Variants in SPATA6L observed in about 807,000 individuals in gnomAD.
SPATA6L encodes spermatogenesis associated 6-like protein.
In SPATA6L, 68 loss-of-function variants were observed where a neutral mutation model predicts 49.2. The observed-to-expected ratio is 1.38, with a 90% CI of 1.14 to 1.69. The LOEUF is 1.69. Among genes scored for constraint, SPATA6L ranks in the 40% most tolerant of loss-of-function variants. SPATA6L has a pLI of 0.00. For synonymous variants in SPATA6L, 198 were observed against 165.7 expected (o/e 1.19, Z -1.50); for missense variants, 668 against 464.3 (o/e 1.44, Z -4.03).
At position 4,662,323 on chromosome 9, in the gene SPATA6L, G is replaced by C. The variant is rs1839997927; in HGVS notation, c.40-287C>G. ...CGGAAGCGGAAGAGGCTGCAGGGCC[G>C]GGAAGCCTCTGTTTGGTCCGGCCAG... On this transcript the variant is annotated intron_variant, in intron 1 of 11. Coordinates refer to ENST00000682582, the MANE Select transcript of SPATA6L (RefSeq NM_001353486.2). This position sits in a 1 kb window ranked among gnomAD's most constrained non-coding sequence, Gnocchi z 4.9. The C allele has an allele frequency of 8.3e-6, 12 of 1,446,664 alleles. No individual in the cohort carries two copies. The highest frequency in any genetic ancestry group is 9.9e-6 in the Non-Finnish European group (11 of 1,105,700). The allele number at this position is 1,446,664 out of a possible 1,614,324, so 89.6% of individuals were successfully genotyped here. A position where few individuals can be genotyped will look rare whatever the true frequency, so the allele number is the denominator to read the frequency against.
chr9:4,654,937 T>G (rs1012673948), intron 3 of SPATA6L, among the ~76,000 whole-genome samples: 2 of 152,120 alleles, frequency 1.3e-5, no homozygotes, highest in African/African-American at 4.8e-5. Context: ...GACCACACCC[T>G]TCCTGTACCG....
chr9:4,662,364 C>A lies in SPATA6L; in HGVS notation c.40-328G>T, dbSNP rs766410645. On this transcript the variant is annotated intron_variant, in intron 1 of 11. Coordinates refer to ENST00000682582, the MANE Select transcript of SPATA6L (RefSeq NM_001353486.2). The surrounding 1 kb of genome is among the most constrained non-coding windows in gnomAD (Gnocchi z 4.9). The stretch of plus-strand genomic sequence containing the variant: ...GTCCGGCCAGGTCCCGGGATCCGGG[C>A]CGCCAGCTGCGATGCCAAGTCCCCG... The A allele has an allele frequency of 1.3e-6, 2 of 1,495,416 alleles. No individual in the cohort carries two copies. The highest frequency in any genetic ancestry group is 2.2e-5 in the Admixed American group (1 of 44,518). 92.6% of individuals were successfully genotyped at this position (1,495,416 alleles called of 1,614,324 possible).
At chr9:4,589,467 T>A (rs1821766141) in intron 13 of SPATA6L, among the ~76,000 whole-genome samples, 1 of 152,200 alleles carries the variant, frequency 6.6e-6, no homozygotes, top group African/African-American at 2.4e-5. Flanking sequence ...TCCAACCTAG[T>A]GAGACTTCGT....
chr9:4,654,236 G>A (rs1837576180), intron 3 of SPATA6L, among the ~76,000 whole-genome samples: 2 of 152,186 alleles, frequency 1.3e-5, no homozygotes, highest in Admixed American at 1.3e-4. Context: ...GGTAAATAAT[G>A]TGAAACTTCT....
chr9:4,605,415 A>G lies in SPATA6L; in HGVS notation c.1021T>C (p.Trp341Arg), dbSNP rs1437334046. The G allele has an allele frequency of 8.1e-6, 13 of 1,614,040 alleles. No individual in the cohort carries two copies. The highest frequency in any genetic ancestry group is 1.3e-5 in the African/African-American group (1 of 74,932). ...CATACCCTCTCATGGATATTCTTCC[A>G]TGTGGACTGAGAACCAGGATGGAAC... ...ERFHPGSQSTWKNIHERVCSL... is the reference protein window; with the variant it reads ...ERFHPGSQSTRKNIHERVCSL... The change falls in exon 10 of 12, where the codon TGG becomes CGG. Residue 341 changes from tryptophan to arginine, a missense_variant. By Grantham distance (101) the Trp-to-Arg change is moderately radical. Transcript: ENST00000682582.
chr9:4,648,700 G>A (rs1471136145), intron 3 of SPATA6L, among the ~76,000 whole-genome samples: 8 of 47,384 alleles, frequency 1.7e-4, no homozygotes, highest in Non-Finnish European at 2.9e-4. Context: ...ACCCCGTCTC[G>A]AAAAATAAAT....
chr9:4,643,985 C>T (rs1327112745), intron 3 of SPATA6L, among the ~76,000 whole-genome samples: 1 of 150,894 alleles, frequency 6.6e-6, no homozygotes, highest in Non-Finnish European at 1.5e-5. Context: ...CCAGCCTGGG[C>T]AACAGAGCTA....
intron 5 of SPATA6L, chr9:4,627,885 A>G: frequency 9.6e-7 from 1 of 1,045,680 alleles, no homozygotes; most frequent in Non-Finnish European, 1.3e-6. Context: ...ATGAATGGAT[A>G]AAGAAATTAT....
chr9:4,648,695 G>A (rs574675082), intron 3 of SPATA6L, among the ~76,000 whole-genome samples: 4 of 54,786 alleles, frequency 7.3e-5, no homozygotes, highest in Non-Finnish European at 1.3e-4. Context: ...GCGAGACCCC[G>A]TCTCGAAAAA....
At chr9:4,622,204 G>T (rs576933728) in intron 7 of SPATA6L, among the ~76,000 whole-genome samples, 4 of 152,190 alleles carry the variant, frequency 2.6e-5, no homozygotes, top group East Asian at 1.9e-4. Context: ...CCCCTTCAAC[G>T]GCGAGGGGAA....
At chr9:4,620,228 C>T (rs1188346947) in intron 7 of SPATA6L, among the ~76,000 whole-genome samples, 1 of 151,998 alleles carries the variant, frequency 6.6e-6, no homozygotes, top group East Asian at 1.9e-4. Context: ...AACCTCCTTC[C>T]CCTGTGGATT....
downstream of SPATA6L, among the ~76,000 whole-genome samples, chr9:4,594,628 G>A (rs1822124298): frequency 6.6e-6 from 1 of 152,126 alleles, no homozygotes; most frequent in South Asian, 2.1e-4. Context: ...ATAGAGGTTG[G>A]TGCATTTATT....
chr9:4,658,349 A>C (rs991914837), intron 2 of SPATA6L, among the ~76,000 whole-genome samples: 2 of 152,254 alleles, frequency 1.3e-5, no homozygotes, highest in African/African-American at 4.8e-5. Flanking sequence ...ATTTTGAATT[A>C]CACAGAAGAT....
At chr9:4,630,284 A>C (rs1831258196) in intron 4 of SPATA6L, among the ~76,000 whole-genome samples, 1 of 152,190 alleles carries the variant, frequency 6.6e-6, no homozygotes, top group Admixed American at 6.5e-5. Context: ...AAAAGCATCA[A>C]TTTTATTGTA....
intron 11 of SPATA6L, 81 bp downstream of exon 11, chr9:4,604,098 T>C (rs139269065): frequency 7.8e-6 from 7 of 896,202 alleles, no homozygotes; most frequent in Admixed American, 4.7e-5. Context: ...TTACTTCATA[T>C]TGATAGGAGG....
intron 4 of SPATA6L, chr9:4,633,656 C>G (rs766405552): frequency 6.5e-6 from 1 of 153,718 alleles, no homozygotes; most frequent in South Asian, 2.1e-4. Flanking sequence ...GCAGAATATG[C>G]GAAACTTTTG....
chr9:4,619,193 T>A (rs1286977265), intron 7 of SPATA6L, among the ~76,000 whole-genome samples: 1 of 140,178 alleles, frequency 7.1e-6, no homozygotes, highest in Non-Finnish European at 1.5e-5. Context: ...AGTCTCACAC[T>A]GTCGCCCAGG....
intron 5 of SPATA6L, chr9:4,626,551 C>T: frequency 7.7e-7 from 1 of 1,304,054 alleles, no homozygotes; most frequent in Non-Finnish European, 1.0e-6. Flanking sequence ...TTTGTTTCCC[C>T]AGCCCTAGGG....
intron 3 of SPATA6L, among the ~76,000 whole-genome samples, chr9:4,652,153 G>A (rs979182868): frequency 1.3e-5 from 2 of 152,190 alleles, no homozygotes; most frequent in Non-Finnish European, 2.9e-5. Context: ...AGGCGCGGTG[G>A]CTAACGCCTG....
Sources: gnomAD v4.1 joint callset for allele counts (sites outside exome capture counted in the v4.1 genomes callset) on GRCh38, gnomAD v4.1.1 for gene constraint, Gnocchi (gnomAD v3.1) non-coding constraint, MANE v1.5 for transcripts, NCBI Gene and HGNC (gene_info 2026-07-23, HGNC 2026-07-21) for gene names.